CADM1: variants seen among roughly 807,000 people sequenced by gnomAD.
The protein encoded by CADM1 is cell adhesion molecule 1.
In CADM1, 15 loss-of-function variants were observed where a neutral mutation model predicts 53.1. That is an observed-to-expected ratio of 0.28 (90% CI 0.19 to 0.44). The LOEUF (loss-of-function observed/expected upper bound fraction) is 0.44. CADM1 is among the 20% of genes least tolerant of loss of function. CADM1 has a pLI of 1.00. For synonymous variants in CADM1, 281 were observed against 243.0 expected, an observed-to-expected ratio of 1.16 and a Z score of -1.45; for missense variants, 434 against 611.3, an observed-to-expected ratio of 0.71 and a Z score of 3.06.
intron 1 of CADM1, among the ~76,000 whole-genome samples, chr11:115,391,031 T>C (rs993400841): frequency 6.6e-6 from 1 of 152,196 alleles, no homozygotes; most frequent in African/African-American, 2.4e-5. Context: ...AGCAAAGCAA[T>C]AGAAATGCAC....
intron 1 of CADM1, among the ~76,000 whole-genome samples, chr11:115,284,152 G>GTGTA (rs1481459368): frequency 7.2e-6 from 1 of 139,608 alleles, no homozygotes; most frequent in Non-Finnish European, 1.5e-5. Context: ...GTGTGTGTGT[G>GTGTA]TGTATGGTGA....
chr11:115,179,075 C>T (rs572025587), intron 10 of CADM1: 10 of 400,618 alleles, frequency 2.5e-5, no homozygotes, highest in Admixed American at 7.1e-5. Flanking sequence ...CTAGTCTTAG[C>T]GTTCACTCTG....
At chr11:115,375,227 G>C (rs1946408176) in intron 1 of CADM1, among the ~76,000 whole-genome samples, 1 of 152,122 alleles carries the variant, frequency 6.6e-6, no homozygotes, top group African/African-American at 2.4e-5. Flanking sequence ...TATGCCCTCT[G>C]CTTTTGTGTG....
At chr11:115,196,487 G>T (rs1940151463) in intron 9 of CADM1, among the ~76,000 whole-genome samples, 1 of 149,580 alleles carries the variant, frequency 6.7e-6, no homozygotes, top group South Asian at 2.1e-4. Context: ...GAATTGTATG[G>T]TTACATTATA....
intron 1 of CADM1, among the ~76,000 whole-genome samples, chr11:115,499,189 T>C (rs1218649944): frequency 6.6e-6 from 1 of 152,220 alleles, no homozygotes; most frequent in Admixed American, 6.5e-5. Context: ...TCTGTTCTTG[T>C]TCTTAAGAAC....
At chr11:115,223,947 C>T (rs1032244742) in intron 5 of CADM1, among the ~76,000 whole-genome samples, 10 of 106,824 alleles carry the variant, frequency 9.4e-5, no homozygotes, top group South Asian at 3.4e-4. Flanking sequence ...GGAGGAAGAG[C>T]GTATTCCGTT....
At chr11:115,204,721 C>T (rs1428203894) in intron 8 of CADM1, among the ~76,000 whole-genome samples, 1 of 152,176 alleles carries the variant, frequency 6.6e-6, no homozygotes, top group Non-Finnish European at 1.5e-5. Flanking sequence ...CAAGTTTCCC[C>T]ACTTGGGCAT....
intron 1 of CADM1, among the ~76,000 whole-genome samples, chr11:115,392,476 C>T (rs1946860132): frequency 1.3e-5 from 2 of 152,174 alleles, no homozygotes; most frequent in South Asian, 4.1e-4. Context: ...TTAAACACCA[C>T]ACAGACACAC....
chr11:115,460,270 C>T (rs973919814), intron 1 of CADM1, among the ~76,000 whole-genome samples: 2 of 152,144 alleles, frequency 1.3e-5, no homozygotes, highest in Non-Finnish European at 1.5e-5. Context: ...TAACGCAAAC[C>T]TTTTCCCTTT....
chr11:115,182,797 C>T (rs1345700373), intron 10 of CADM1, among the ~76,000 whole-genome samples: 1 of 152,194 alleles, frequency 6.6e-6, no homozygotes, highest in Admixed American at 6.5e-5. Context: ...CGTGTCCCAT[C>T]CCGCAGCCAC....
intron 1 of CADM1, among the ~76,000 whole-genome samples, chr11:115,499,890 T>C (rs1231441185): frequency 3.3e-5 from 5 of 152,242 alleles, no homozygotes; most frequent in Non-Finnish European, 7.3e-5. Context: ...AATGTGAATA[T>C]GAATATTGTA....
At chr11:115,448,307 G>C (rs1948497765) in intron 1 of CADM1, among the ~76,000 whole-genome samples, 1 of 152,110 alleles carries the variant, frequency 6.6e-6, no homozygotes. Context: ...TTAGGGAAAA[G>C]TGTGAATAAG....
chr11:115,376,519 T>C (rs1477845651), intron 1 of CADM1, among the ~76,000 whole-genome samples: 2 of 152,088 alleles, frequency 1.3e-5, no homozygotes, highest in Non-Finnish European at 2.9e-5. Context: ...GCTAAGAATT[T>C]AGAAAGCCAA....
intron 1 of CADM1, among the ~76,000 whole-genome samples, chr11:115,254,597 G>C (rs938214357): frequency 2.9e-5 from 4 of 137,512 alleles, no homozygotes; most frequent in South Asian, 2.5e-4. Flanking sequence ...CACACACAGA[G>C]ACAACAAACG....
intron 1 of CADM1, among the ~76,000 whole-genome samples, chr11:115,457,102 A>AT (rs1037037807): frequency 1.3e-5 from 2 of 152,132 alleles, no homozygotes; most frequent in African/African-American, 4.8e-5. Flanking sequence ...TTCTACATAC[A>AT]TTTCCTTAAT....
chr11:115,460,812 A>G (rs1948779350), intron 1 of CADM1, among the ~76,000 whole-genome samples: 1 of 152,042 alleles, frequency 6.6e-6, no homozygotes, highest in South Asian at 2.1e-4. Context: ...AAGCACTTAT[A>G]TCAACTGGAC....
chr11:115,458,361 G>C (rs977840371), intron 1 of CADM1, among the ~76,000 whole-genome samples: 24 of 152,002 alleles, frequency 1.6e-4, no homozygotes, highest in Non-Finnish European at 2.8e-4. Flanking sequence ...CCAATGCTCA[G>C]TTTCCTCATC....
chr11:115,212,894 G>C (rs1202757786), intron 7 of CADM1, among the ~76,000 whole-genome samples: 1 of 152,188 alleles, frequency 6.6e-6, no homozygotes, highest in Non-Finnish European at 1.5e-5. Flanking sequence ...ATGGAATAAA[G>C]TGAGCACTAA....
chr11:115,260,779 TCTC>T (rs1217262475), intron 1 of CADM1, among the ~76,000 whole-genome samples: 2 of 152,062 alleles, frequency 1.3e-5, no homozygotes, highest in African/African-American at 4.8e-5. Flanking sequence ...TTCACTCCAT[TCTC>T]CTGCCTCAGC....
Sources: allele counts gnomAD v4.1 joint callset (sites outside exome capture counted in the v4.1 genomes callset), GRCh38; gene constraint gnomAD v4.1.1; transcripts MANE v1.5; gene names NCBI Gene and HGNC (gene_info 2026-07-23, HGNC 2026-07-21).